The following TTBK2 variants were observed in gnomAD, a reference collection of about 807,000 sequenced individuals.
TTBK2 encodes the protein tau-tubulin kinase 2.
In TTBK2, 28 loss-of-function variants were observed where a neutral mutation model predicts 110.8. The ratio of observed to expected loss-of-function variants is 0.25; its 90% CI spans 0.19 to 0.35. The LOEUF is 0.35. TTBK2 is among the 10% of genes least tolerant of loss of function. The probability of loss-of-function intolerance (pLI) is 1.00; values close to 1 mark genes in which losing one functional copy is unlikely to be tolerated. For missense variants in TTBK2, 1,369 were observed against 1,500.3 expected (o/e 0.91, Z 1.45); for synonymous variants, 532 against 527.3 (o/e 1.01, Z -0.12).
chr15:42,875,682 G>A (rs1470097519), intron 2 of TTBK2, among the ~76,000 whole-genome samples: 1 of 152,014 alleles, frequency 6.6e-6, no homozygotes, highest in African/African-American at 2.4e-5. Context: ...CGAGTCAGGT[G>A]AATCACCTGA....
intron 14 of TTBK2, among the ~76,000 whole-genome samples, chr15:42,747,067 C>T: frequency 6.6e-6 from 1 of 151,656 alleles, no homozygotes; most frequent in East Asian, 1.9e-4. Context: ...TGGGCTCATG[C>T]AATCCTCCCA....
At position 42,752,182 on chromosome 15, in the gene TTBK2, G is replaced by A. The variant is rs1239184779; in HGVS notation, c.3064C>T (p.Pro1022Ser). ...APFCEEEVLT[P>S]FSRLTVDSHL... ...GAATCTACTGTCAGTCTTGAAAAGG[G>A]AGTGAGCACTTCCTCCTCACAAAAG... The change falls in exon 14 of 15, where the codon CCC (proline) becomes TCC (serine). Residue 1022 changes from proline (P) to serine (S), a missense_variant. By Grantham distance (74) the Pro-to-Ser change is moderately conservative. Transcript: ENST00000267890. The A allele has an allele frequency of 1.2e-6, 2 of 1,614,058 alleles. No individual in the cohort carries two copies. Among genetic ancestry groups the A allele is most frequent in the African/African-American group, 1.3e-5 (1 of 74,924 alleles).
Position 42,774,932 on chromosome 15 carries a change from G to C in TTBK2, c.1998+203C>G, listed in dbSNP as rs572584829. Among the ~76,000 whole-genome samples, 104 of 152,246 alleles carry C rather than the reference G, an allele frequency of 6.8e-4. 2 individuals are homozygous for C. The South Asian group carries it at 0.022, about 32-fold the overall frequency. ...GTTATAATGACATTTCATGTATTGA[G>C]TTTGATATAATAAAAGAAGACCTCA... is the stretch of plus-strand genomic sequence containing the variant. On this transcript the variant is annotated intron_variant, in intron 13 of 14. Coordinates refer to ENST00000267890, the MANE Select transcript of TTBK2 (RefSeq NM_173500.4).
At chr15:42,897,861 C>T (rs1302569357) in intron 1 of TTBK2, among the ~76,000 whole-genome samples, 3 of 150,014 alleles carry the variant, frequency 2.0e-5, no homozygotes, top group Non-Finnish European at 3.0e-5. Flanking sequence ...CACACACACA[C>T]ACACGGAACT....
At chr15:42,861,241 C>T (rs1279147231) in intron 3 of TTBK2, among the ~76,000 whole-genome samples, 2 of 151,962 alleles carry the variant, frequency 1.3e-5, no homozygotes, top group Non-Finnish European at 2.9e-5. Flanking sequence ...AAACTCGACA[C>T]TCAACCAATT....
intron 1 of TTBK2, among the ~76,000 whole-genome samples, chr15:42,879,056 T>G (rs180731865): frequency 6.6e-6 from 1 of 152,210 alleles, no homozygotes; most frequent in Non-Finnish European, 1.5e-5. Context: ...TGCTTATAGT[T>G]TGTAACTTAG....
chr15:42,841,025 C>T (rs893911509), intron 3 of TTBK2, among the ~76,000 whole-genome samples: 3 of 152,110 alleles, frequency 2.0e-5, no homozygotes, highest in Admixed American at 2.0e-4. Flanking sequence ...AATTGAGCCA[C>T]ATATATTGGT....
At chr15:42,801,736 T>A (rs1891217027) in intron 9 of TTBK2, 1 of 836,492 alleles carries the variant, frequency 1.2e-6, no homozygotes. Flanking sequence ...TTCATACAGC[T>A]GCCTGAGGAA....
At position 42,745,707 on chromosome 15, in the gene TTBK2, G is replaced by C; in HGVS notation, c.*88C>G. ...TCTTTTGCAAGAGAAGATCAACACT[G>C]ATTTTTTTACATAGAAAGTACAGGG... On this transcript the variant is annotated 3_prime_UTR_variant, in exon 15 of 15. Coordinates refer to ENST00000267890, the MANE Select transcript of TTBK2 (RefSeq NM_173500.4). The C allele has an allele frequency of 1.3e-6, 2 of 1,493,184 alleles. No homozygotes were observed. The highest frequency in any genetic ancestry group is 1.9e-6 in the Non-Finnish European group (2 of 1,072,398). The allele number at this position is 1,493,184 out of a possible 1,614,324, so 92.5% of individuals were successfully genotyped here. A position where few individuals can be genotyped will look rare whatever the true frequency, so the allele number is the denominator to read the frequency against.
intron 3 of TTBK2, among the ~76,000 whole-genome samples, chr15:42,864,504 A>G (rs1349984287): frequency 6.6e-6 from 1 of 152,100 alleles, no homozygotes; most frequent in Non-Finnish European, 1.5e-5. Flanking sequence ...GAATCCCTTG[A>G]ACCCGGGAGG....
chr15:42,909,003 A>G (rs1255595333), intron 1 of TTBK2, among the ~76,000 whole-genome samples: 5 of 152,222 alleles, frequency 3.3e-5, no homozygotes, highest in Admixed American at 3.3e-4. Context: ...TTTATAATCT[A>G]ATAGCTCTAG....
At chr15:42,901,296 AG>A (rs1232688064) in intron 1 of TTBK2, among the ~76,000 whole-genome samples, 4 of 151,980 alleles carry the variant, frequency 2.6e-5, no homozygotes, top group African/African-American at 9.7e-5. Flanking sequence ...TGGGAGGCGG[AG>A]GTTGCAGTGA....
chr15:42,873,367 G>T (rs574776505), intron 2 of TTBK2, among the ~76,000 whole-genome samples: 1 of 152,260 alleles, frequency 6.6e-6, no homozygotes. Context: ...CCAGGAGGCA[G>T]AGGCAGAAGT....
intron 6 of TTBK2, 65 bp downstream of exon 6, chr15:42,827,863 A>G (rs1177335072): frequency 1.7e-5 from 22 of 1,328,122 alleles, no homozygotes; most frequent in Non-Finnish European, 2.3e-5. Flanking sequence ...CATTGTTTAA[A>G]AAGTGTGATA....
chr15:42,876,363 T>C (rs1199460887), intron 2 of TTBK2, among the ~76,000 whole-genome samples: 8 of 152,170 alleles, frequency 5.3e-5, no homozygotes, highest in Non-Finnish European at 8.8e-5. Context: ...AGAGTTTCAC[T>C]TGTCACCTTT....
chr15:42,792,290 T>C (rs1335782333), intron 10 of TTBK2, among the ~76,000 whole-genome samples: 2 of 152,208 alleles, frequency 1.3e-5, no homozygotes, highest in South Asian at 2.1e-4. Flanking sequence ...TATTAAAATA[T>C]TGCATGTATC....
At chr15:42,801,055 G>A (rs1891172934) in intron 9 of TTBK2, 2 of 769,512 alleles carry the variant, frequency 2.6e-6, no homozygotes, top group Non-Finnish European at 4.7e-6. Flanking sequence ...GAGCTGGTGT[G>A]GCTGAAGGAG....
At chr15:42,790,816 C>T (rs1890636058) in intron 10 of TTBK2, among the ~76,000 whole-genome samples, 1 of 152,178 alleles carries the variant, frequency 6.6e-6, no homozygotes, top group Admixed American at 6.6e-5. Flanking sequence ...TCTCCTGCCT[C>T]AGCCTCCGGA....
intron 1 of TTBK2, among the ~76,000 whole-genome samples, chr15:42,910,239 G>C (rs939122645): frequency 6.6e-6 from 1 of 151,810 alleles, no homozygotes; most frequent in Non-Finnish European, 1.5e-5. Flanking sequence ...CAGTGTGAGA[G>C]AGAGTAGAAG....
Sources: allele counts gnomAD v4.1 joint callset (sites outside exome capture counted in the v4.1 genomes callset), GRCh38; gene constraint gnomAD v4.1.1; transcripts MANE v1.5; gene names NCBI Gene and HGNC (gene_info 2026-07-23, HGNC 2026-07-21).